CUL3: variants seen among roughly 807,000 people sequenced by gnomAD.
The protein encoded by CUL3 is cullin 3.
In CUL3, 19 loss-of-function variants were observed where a neutral mutation model predicts 89.1. The ratio of observed to expected loss-of-function variants is 0.21; its 90% confidence interval spans 0.15 to 0.31. CUL3 has a LOEUF of 0.31. Ranked by LOEUF, CUL3 falls within the 10% of genes least tolerant of loss-of-function variation. The probability of loss-of-function intolerance (pLI) is 1.00; values close to 1 mark genes in which losing one functional copy is unlikely to be tolerated. For missense variants in CUL3, 469 were observed against 942.3 expected (o/e 0.50, Z 6.58); for synonymous variants, 351 against 308.4 (o/e 1.14, Z -1.45).
chr2:224,534,950 G>A (rs915986558), intron 3 of CUL3, among the ~76,000 whole-genome samples: 5 of 151,342 alleles, frequency 3.3e-5, no homozygotes, highest in African/African-American at 7.3e-5. Context: ...GCAGTGAGCC[G>A]AGATCATGCC....
intron 3 of CUL3, among the ~76,000 whole-genome samples, chr2:224,516,419 C>T (rs1423634785): frequency 3.4e-5 from 5 of 148,386 alleles, no homozygotes; most frequent in South Asian, 4.3e-4. Context: ...CGAGTTTAAG[C>T]GATTCTCCTG....
intron 15 of CUL3, among the ~76,000 whole-genome samples, chr2:224,475,087 C>T (rs889706076): frequency 2.0e-4 from 30 of 152,038 alleles, no homozygotes; most frequent in African/African-American, 6.0e-4. Flanking sequence ...GCGCAATCTC[C>T]GCTCACTGCA....
At chr2:224,510,023 T>G (rs1045536039) in intron 6 of CUL3, among the ~76,000 whole-genome samples, 1 of 152,190 alleles carries the variant, frequency 6.6e-6, no homozygotes, top group African/African-American at 2.4e-5. Context: ...ATAAAAATTA[T>G]ATGAAATTCA....
At chr2:224,474,930 T>C (rs1691259593) in intron 15 of CUL3, among the ~76,000 whole-genome samples, 1 of 152,250 alleles carries the variant, frequency 6.6e-6, no homozygotes, top group Non-Finnish European at 1.5e-5. Context: ...TACTGTGCTA[T>C]ATATAATAAT....
At chr2:224,527,799 T>G (rs1300745010) in intron 3 of CUL3, among the ~76,000 whole-genome samples, 1 of 152,072 alleles carries the variant, frequency 6.6e-6, no homozygotes, top group African/African-American at 2.4e-5. Context: ...ATGGACCATA[T>G]GAGATTCACT....
chr2:224,519,612 C>T (rs1693188287), intron 3 of CUL3, among the ~76,000 whole-genome samples: 1 of 152,066 alleles, frequency 6.6e-6, no homozygotes, highest in Non-Finnish European at 1.5e-5. Flanking sequence ...TTAAGTGTGG[C>T]TCTATAAAAC....
At chr2:224,534,902 A>G (rs34086851) in intron 3 of CUL3, among the ~76,000 whole-genome samples, 27,751 of 151,062 alleles carry the variant, frequency 0.18, 2,897 homozygotes, top group South Asian at 0.27. Context: ...TCAGGAGGCT[A>G]AGGCAGGAGA....
rs1691078689 is a variant in CUL3, at chr2:224,470,323, T to C, written c.*3922A>G. 8.8e-6 allele frequency: 2 copies of C among 227,782 alleles called. No individual in the cohort carries two copies. Among genetic ancestry groups the C allele is most frequent in the East Asian group, 1.3e-4 (2 of 15,806 alleles). 14.1% of individuals were successfully genotyped at this position (227,782 alleles called of 1,614,324 possible). A position where few individuals can be genotyped will look rare whatever the true frequency, so the allele number is the denominator to read the frequency against. ...GTATAATTTTAAAGCTATTTTTGCA[T>C]GGCTCACTCGAGGTCAACTTAGACC... On this transcript the variant is annotated 3_prime_UTR_variant, in exon 16 of 16. Coordinates refer to ENST00000264414, the MANE Select transcript of CUL3 (RefSeq NM_003590.5).
At chr2:224,499,809 C>T (rs181801038) in intron 11 of CUL3, 16 of 210,644 alleles carry the variant, frequency 7.6e-5, no homozygotes, top group Admixed American at 4.3e-4. Context: ...AGTGTTCACA[C>T]GAGTGGTCTT....
intron 3 of CUL3, among the ~76,000 whole-genome samples, chr2:224,529,197 C>T (rs887119857): frequency 2.6e-5 from 4 of 151,968 alleles, no homozygotes; most frequent in Non-Finnish European, 4.4e-5. Flanking sequence ...ACGTATATAA[C>T]AAATTTTCTG....
At position 224,510,387 on chromosome 2, in the gene CUL3, G is replaced by A. The variant is rs542298541; in HGVS notation, c.883+967C>T. Among the ~76,000 whole-genome samples the A allele has an allele frequency of 2.8e-4, 43 of 151,110 alleles. 1 individual carries two copies. The highest frequency in any genetic ancestry group is 4.0e-4 in the Admixed American group (6 of 15,158). On this transcript the variant is annotated intron_variant, in intron 6 of 15. Transcript: ENST00000264414. ...TTAACAATTTTAAAACACAAGGTAA[G>A]GATTCCACTAGAGATAAACATGGCT...
intron 15 of CUL3, among the ~76,000 whole-genome samples, chr2:224,475,004 T>C (rs1271581047): frequency 1.3e-5 from 2 of 152,184 alleles, no homozygotes; most frequent in Non-Finnish European, 2.9e-5. Context: ...ATTTTGCATG[T>C]ATGAGTTTAT....
intron 3 of CUL3, among the ~76,000 whole-genome samples, chr2:224,528,840 C>T (rs781553224): frequency 2.0e-5 from 3 of 151,970 alleles, no homozygotes; most frequent in Non-Finnish European, 2.9e-5. Context: ...AACACCTTTG[C>T]TGCAAATACC....
At chr2:224,478,148 TTAA>T (rs1553600533) in intron 15 of CUL3, 49 bp downstream of exon 15, 1 of 1,498,798 alleles carries the variant, frequency 6.7e-7, no homozygotes, top group Non-Finnish European at 9.0e-7. Context: ...AATAATTTTG[TTAA>T]TAATGTTACT....
At chr2:224,508,924 T>C (rs1489542549) in intron 6 of CUL3, among the ~76,000 whole-genome samples, 1 of 129,842 alleles carries the variant, frequency 7.7e-6, no homozygotes, top group African/African-American at 3.1e-5. Flanking sequence ...ATCCCACCAC[T>C]GCACTCCAGC....
intron 2 of CUL3, among the ~76,000 whole-genome samples, chr2:224,554,147 C>T (rs964564462): frequency 1.3e-5 from 2 of 152,092 alleles, no homozygotes; most frequent in African/African-American, 4.8e-5. Context: ...TTTTTCTGCA[C>T]CTGTGCCCAA....
chr2:224,585,034 GGCT>G lies in CUL3; in HGVS notation c.-28_-26del. On this transcript the variant is annotated 5_prime_UTR_variant, in exon 1 of 16. Coordinates refer to ENST00000264414, the MANE Select transcript of CUL3 (RefSeq NM_003590.5). Reference sequence around the variant, plus strand: ...TGGTGCTCGTCCCCTCCCCGGCGGCGGCTTCAGGTCGCGCTCCGCGACGCCGGT... The same window carrying G: ...TGGTGCTCGTCCCCTCCCCGGCGGCGTCAGGTCGCGCTCCGCGACGCCGGT... The G allele has an allele frequency of 6.7e-7, 1 of 1,482,874 alleles. No individual in the cohort carries two copies. The highest frequency in any genetic ancestry group is 9.1e-7 in the Non-Finnish European group (1 of 1,103,164). 91.9% of individuals were successfully genotyped at this position (1,482,874 alleles called of 1,614,324 possible).
intron 14 of CUL3, among the ~76,000 whole-genome samples, chr2:224,481,199 A>G (rs942514587): frequency 7.9e-5 from 12 of 152,104 alleles, no homozygotes; most frequent in Admixed American, 2.6e-4. Context: ...TTGCACACAT[A>G]TTTGGCTGTA....
At chr2:224,546,480 A>G (rs1427592392) in intron 2 of CUL3, among the ~76,000 whole-genome samples, 2 of 152,142 alleles carry the variant, frequency 1.3e-5, no homozygotes, top group Non-Finnish European at 2.9e-5. Flanking sequence ...GATCTCAGCT[A>G]TTTGTGGCTA....
Sources: gnomAD v4.1 joint callset for allele counts (sites outside exome capture counted in the v4.1 genomes callset) on GRCh38, gnomAD v4.1.1 for gene constraint, MANE v1.5 for transcripts, NCBI Gene and HGNC (gene_info 2026-07-23, HGNC 2026-07-21) for gene names.